TMCO4: variants seen among roughly 807,000 people sequenced by gnomAD.
TMCO4 encodes the protein transmembrane and coiled-coil domain-containing protein 4.
In TMCO4, 58 loss-of-function variants were observed where a neutral mutation model predicts 64.7. The observed-to-expected ratio is 0.90, with a 90% CI of 0.73 to 1.12. The LOEUF is 1.12. Ranked by LOEUF, TMCO4 falls within the 50% of genes most tolerant of loss-of-function variation. The probability of loss-of-function intolerance (pLI) is 0.00; values close to 1 mark genes in which losing one functional copy is unlikely to be tolerated. For synonymous variants in TMCO4, 325 were observed against 346.1 expected (o/e 0.94, Z 0.68); for missense variants, 780 against 825.9 (o/e 0.94, Z 0.68).
At chr1:19,689,879 AG>A (rs1203489769) in intron 15 of TMCO4, among the ~76,000 whole-genome samples, 1 of 152,206 alleles carries the variant, frequency 6.6e-6, no homozygotes, top group Non-Finnish European at 1.5e-5. Context: ...TGGTGACAGG[AG>A]GCAGCCAAAT....
rs190714024 is a variant in TMCO4, at chr1:19,691,840, T to C, written c.1500+2594A>G. Among the ~76,000 whole-genome samples, 315 of 152,288 alleles carry C rather than the reference T, an allele frequency of 2.1e-3. 2 individuals carry two copies. The highest frequency in any genetic ancestry group is 3.4e-3 in the Middle Eastern group (1 of 294). On this transcript the variant is annotated intron_variant, in intron 15 of 15. Coordinates refer to ENST00000294543, the MANE Select transcript of TMCO4 (RefSeq NM_181719.7). Reference sequence around the variant, plus strand: ...GTGGGAGGGACCCAGTGGGAGATAATTGAATCATAGGGGTGGTTTCCCCCA... The same window carrying C: ...GTGGGAGGGACCCAGTGGGAGATAACTGAATCATAGGGGTGGTTTCCCCCA...
intron 13 of TMCO4, among the ~76,000 whole-genome samples, chr1:19,717,842 C>G (rs893242535): frequency 6.6e-6 from 1 of 152,184 alleles, no homozygotes; most frequent in African/African-American, 2.4e-5. Flanking sequence ...CTGCTTTAAG[C>G]CTGGCATCTT....
intron 2 of TMCO4, among the ~76,000 whole-genome samples, chr1:19,792,841 G>A (rs2044118591): frequency 6.9e-6 from 1 of 144,606 alleles, no homozygotes; most frequent in African/African-American, 2.6e-5. Context: ...CGCAATCTGG[G>A]CTCACTGCAA....
intron 13 of TMCO4, among the ~76,000 whole-genome samples, chr1:19,702,285 CAA>C (rs71010505): frequency 2.7e-3 from 283 of 102,912 alleles, no homozygotes; most frequent in African/African-American, 8.8e-3. Flanking sequence ...CTTGTCTTTA[CAA>C]AAAAAAAAAA....
intron 3 of TMCO4, among the ~76,000 whole-genome samples, chr1:19,784,702 C>T (rs894251400): frequency 6.6e-6 from 1 of 152,040 alleles, no homozygotes. Context: ...CAAAAGCCTC[C>T]CATCACATCA....
At chr1:19,747,287 G>A (rs781679794) in intron 7 of TMCO4, 27 bp from the exon 8 acceptor site, 2 of 1,596,524 alleles carry the variant, frequency 1.3e-6, no homozygotes, top group Non-Finnish European at 1.7e-6. Flanking sequence ...TGGTCTTTAG[G>A]GCCAGCTGTG....
chr1:19,750,561 C>T (rs556217830), intron 7 of TMCO4, among the ~76,000 whole-genome samples: 6 of 152,142 alleles, frequency 3.9e-5, no homozygotes, highest in Non-Finnish European at 7.4e-5. Flanking sequence ...CCATGACTAC[C>T]TGCCTCTCTC....
Position 19,732,714 on chromosome 1 carries a change from G to T in TMCO4, c.1264+4658C>A, listed in dbSNP as rs1026166634. 1.3e-5 allele frequency among the ~76,000 whole-genome samples: 2 copies of T among 151,624 alleles called. No individual in the cohort carries two copies. Among genetic ancestry groups the T allele is most frequent in the Non-Finnish European group, 2.9e-5 (2 of 67,896 alleles). ...GAGACCAGCCTCGGCAACACAGGGA[G>T]ACCCTGTCTTTAAAAAAATGAAGAA... On this transcript the variant is annotated intron_variant, in intron 13 of 15. Coordinates refer to ENST00000294543, the MANE Select transcript of TMCO4 (RefSeq NM_181719.7). This position sits in a 1 kb window ranked among gnomAD's most constrained non-coding sequence, Gnocchi z 4.8.
chr1:19,782,843 C>T lies in TMCO4; in HGVS notation c.-8-2077G>A, dbSNP rs115792422. 3.3e-3 allele frequency among the ~76,000 whole-genome samples: 507 copies of T among 152,232 alleles called. 4 individuals are homozygous for T. The highest frequency in any genetic ancestry group is 0.011 in the African/African-American group (445 of 41,540). ...CAGACCTGGGCGTGAAAACAAGCAC[C>T]GCCACTTATTAGATATGGGACCCTA... On this transcript the variant is annotated intron_variant, in intron 3 of 15. Transcript: ENST00000294543.
intron 6 of TMCO4, among the ~76,000 whole-genome samples, chr1:19,764,360 G>T (rs1057292931): frequency 1.3e-5 from 2 of 152,192 alleles, no homozygotes; most frequent in African/African-American, 4.8e-5. Flanking sequence ...ACCTCCAAGG[G>T]TCATTGTGGG....
At chr1:19,740,389 G>C (rs549860534) in intron 11 of TMCO4, among the ~76,000 whole-genome samples, 1 of 152,304 alleles carries the variant, frequency 6.6e-6, no homozygotes, top group African/African-American at 2.4e-5. Flanking sequence ...CTCATCCCAG[G>C]AGGATGAGAG....
At chr1:19,760,525 C>T (rs1276298618) in intron 6 of TMCO4, among the ~76,000 whole-genome samples, 1 of 152,090 alleles carries the variant, frequency 6.6e-6, no homozygotes, top group East Asian at 1.9e-4. Context: ...TCAAGTGAGC[C>T]CTCACCTCAG....
intron 15 of TMCO4, 149 bp downstream of exon 15, chr1:19,694,285 A>G: frequency 1.6e-6 from 1 of 633,050 alleles, no homozygotes; most frequent in East Asian, 2.9e-5. Flanking sequence ...TACAGGCATG[A>G]GCCACTGCAC....
At chr1:19,784,751 T>A (rs1048238874) in intron 3 of TMCO4, among the ~76,000 whole-genome samples, 1 of 138,692 alleles carries the variant, frequency 7.2e-6, no homozygotes, top group East Asian at 2.1e-4. Flanking sequence ...CTAAGAGGGG[T>A]GTCCAATCTT....
chr1:19,692,114 C>T (rs1428146957), intron 15 of TMCO4, among the ~76,000 whole-genome samples: 1 of 152,198 alleles, frequency 6.6e-6, no homozygotes, highest in East Asian at 1.9e-4. Context: ...CACTGGGTTA[C>T]ATGTGGGAAG....
intron 15 of TMCO4, among the ~76,000 whole-genome samples, chr1:19,685,941 AT>A (rs541285443): frequency 4.2e-4 from 64 of 152,004 alleles, no homozygotes; most frequent in African/African-American, 1.4e-3. Context: ...GTTAGCCAGG[AT>A]GGTCTTGATC....
chr1:19,751,618 C>T (rs1256042958), intron 7 of TMCO4, among the ~76,000 whole-genome samples: 1 of 151,704 alleles, frequency 6.6e-6, no homozygotes, highest in Non-Finnish European at 1.5e-5. Context: ...CCATCTCCCT[C>T]ACAAAAAGTT....
chr1:19,779,377 C>T (rs571016805), intron 4 of TMCO4, among the ~76,000 whole-genome samples: 30 of 152,204 alleles, frequency 2.0e-4, no homozygotes, highest in Admixed American at 1.3e-4. Context: ...GTCCACCACT[C>T]GGTCATTGTC....
chr1:19,704,801 G>A (rs542465091), intron 13 of TMCO4, among the ~76,000 whole-genome samples: 1 of 152,272 alleles, frequency 6.6e-6, no homozygotes, highest in East Asian at 1.9e-4. Context: ...ACCTAAAAAG[G>A]GAGCCGCCTG....
Sources: gnomAD v4.1 joint callset for allele counts (sites outside exome capture counted in the v4.1 genomes callset) on GRCh38, gnomAD v4.1.1 for gene constraint, Gnocchi (gnomAD v3.1) non-coding constraint, MANE v1.5 for transcripts, NCBI Gene and HGNC (gene_info 2026-07-23, HGNC 2026-07-21) for gene names.